The following SPATA6L variants were observed in gnomAD, a reference collection of about 807,000 sequenced individuals.
SPATA6L encodes the protein spermatogenesis associated 6-like protein.
In SPATA6L, 68 loss-of-function variants were observed where a neutral mutation model predicts 49.2. That is an observed-to-expected ratio of 1.38 (90% CI 1.14 to 1.69). The LOEUF (loss-of-function observed/expected upper bound fraction) is 1.69. Ranked by LOEUF, SPATA6L falls within the 40% of genes most tolerant of loss-of-function variation. The pLI, the probability that SPATA6L is intolerant of heterozygous loss-of-function variation, is 0.00. For missense variants in SPATA6L, 668 were observed against 464.3 expected, an observed-to-expected ratio of 1.44 and a Z score of -4.03; for synonymous variants, 198 against 165.7, an observed-to-expected ratio of 1.19 and a Z score of -1.50.
chr9:4,609,723 T>A (rs1454270304), intron 9 of SPATA6L, among the ~76,000 whole-genome samples: 4 of 151,380 alleles, frequency 2.6e-5, no homozygotes, highest in African/African-American at 9.8e-5. Flanking sequence ...GCATTCCCTT[T>A]GAAAACTGGC....
At chr9:4,603,032 G>A (rs994078960) in intron 11 of SPATA6L, among the ~76,000 whole-genome samples, 2 of 152,174 alleles carry the variant, frequency 1.3e-5, no homozygotes, top group Admixed American at 6.5e-5. Flanking sequence ...TATGAGAAAC[G>A]ATGATGTCCC....
At position 4,605,969 on chromosome 9, in the gene SPATA6L, C is replaced by G. The variant is rs574132754; in HGVS notation, c.996-529G>C. On this transcript the variant is annotated intron_variant, in intron 9 of 11. Transcript: ENST00000682582. ...GTGTGTGCGCGCACCGTGCGCGAGC[C>G]GAAGCAGGGCGAGGCATTGCCTCAC... Among the ~76,000 whole-genome samples the G allele has an allele frequency of 2.3e-3, 350 of 152,200 alleles. 2 individuals are homozygous for G. The East Asian group carries it at 0.024, about 10-fold the overall frequency.
At chr9:4,604,607 T>C (rs529807303) in intron 10 of SPATA6L, among the ~76,000 whole-genome samples, 1 of 152,154 alleles carries the variant, frequency 6.6e-6, no homozygotes, top group African/African-American at 2.4e-5. Context: ...GCAAAGCCAA[T>C]GACTTTGCAG....
chr9:4,662,649 A>C lies in SPATA6L; in HGVS notation c.40-613T>G. Reference sequence around the variant, plus strand: ...GCCTCCGCTGCCCGAGGAGGACCGCATGGACTTGAACCCGTCCTTCCTGGG... The same window carrying C: ...GCCTCCGCTGCCCGAGGAGGACCGCCTGGACTTGAACCCGTCCTTCCTGGG... On this transcript the variant is annotated intron_variant, in intron 1 of 11. Transcript: ENST00000682582. The surrounding 1 kb of genome is among the most constrained non-coding windows in gnomAD (Gnocchi z 4.9). The C allele has an allele frequency of 6.3e-7, 1 of 1,599,572 alleles. No homozygotes were observed. Among genetic ancestry groups the C allele is most frequent in the Non-Finnish European group, 8.5e-7 (1 of 1,179,750 alleles).
downstream of SPATA6L, among the ~76,000 whole-genome samples, chr9:4,594,279 A>G (rs1822092987): frequency 2.6e-5 from 4 of 152,104 alleles, no homozygotes; most frequent in Non-Finnish European, 5.9e-5. Flanking sequence ...GCGCGAACTC[A>G]GCTCACTGCA....
chr9:4,594,936 C>G (rs923785979), downstream of SPATA6L, among the ~76,000 whole-genome samples: 4 of 152,076 alleles, frequency 2.6e-5, no homozygotes, highest in African/African-American at 9.7e-5. Context: ...CACCTTGACC[C>G]CTAGTAATTC....
rs1839961873 is a variant in SPATA6L, at chr9:4,662,208, T to A, written c.40-172A>T. The A allele has an allele frequency of 7.0e-7, 1 of 1,435,920 alleles. No individual in the cohort carries two copies. The highest frequency in any genetic ancestry group is 1.4e-5 in the African/African-American group (1 of 69,592). The allele number at this position is 1,435,920 out of a possible 1,614,324, so 88.9% of individuals were successfully genotyped here. The stretch of plus-strand genomic sequence containing the variant: ...CATCCTCCCCTCTGCTCTCCTCACA[T>A]TGGAAATTCCAACTCCCTCCCACGT... On this transcript the variant is annotated intron_variant, in intron 1 of 11. Coordinates refer to ENST00000682582, the MANE Select transcript of SPATA6L (RefSeq NM_001353486.2). This position sits in a 1 kb window ranked among gnomAD's most constrained non-coding sequence, Gnocchi z 4.9.
At chr9:4,646,266 T>G in intron 3 of SPATA6L, 1 of 359,472 alleles carries the variant, frequency 2.8e-6, no homozygotes, top group Non-Finnish European at 4.9e-6. Flanking sequence ...TCTGTTTAAG[T>G]TATGCTCCCT....
chr9:4,661,902 T>C lies in SPATA6L; in HGVS notation c.174A>G (p.Glu58=). Residue 58 remains glutamate (E), a synonymous_variant, in exon 2 of 12, where the codon GAA becomes GAG. Transcript: ENST00000682582. ...PIMIQESMRF[E]KVFESAVDPG... is the part of the protein sequence containing the mutation. ...CCAATGAGAAAGTCAAGATCACCTTTTCAAATCTCATGCTCTCCTGAATCA... is the reference window on the plus strand; with the variant it reads ...CCAATGAGAAAGTCAAGATCACCTTCTCAAATCTCATGCTCTCCTGAATCA... The C allele has an allele frequency of 6.2e-7, 1 of 1,613,604 alleles. No individual in the cohort carries two copies. Among genetic ancestry groups the C allele is most frequent in the Non-Finnish European group, 8.5e-7 (1 of 1,179,654 alleles).
intron 3 of SPATA6L, among the ~76,000 whole-genome samples, chr9:4,637,697 G>GT (rs1833082465): frequency 6.6e-6 from 1 of 151,194 alleles, no homozygotes; most frequent in Non-Finnish European, 1.5e-5. Context: ...GAGTGGTGAA[G>GT]TGCAGCATCC....
intron 9 of SPATA6L, among the ~76,000 whole-genome samples, chr9:4,605,936 G>A (rs1026080867): frequency 1.6e-4 from 24 of 152,270 alleles, no homozygotes; most frequent in Non-Finnish European, 3.5e-4. Flanking sequence ...GACAGTGGGC[G>A]CAGGCCAGTG....
chr9:4,645,390 G>T (rs1244162947), intron 3 of SPATA6L, among the ~76,000 whole-genome samples: 2 of 152,160 alleles, frequency 1.3e-5, no homozygotes, highest in African/African-American at 2.4e-5. Context: ...ATTTCTTACA[G>T]TTATGGAGGC....
Position 4,662,198 on chromosome 9 carries a change from T to C in SPATA6L, c.40-162A>G, listed in dbSNP as rs910487538. On this transcript the variant is annotated intron_variant, in intron 1 of 11. Coordinates refer to ENST00000682582, the MANE Select transcript of SPATA6L (RefSeq NM_001353486.2). The surrounding 1 kb of genome is among the most constrained non-coding windows in gnomAD (Gnocchi z 4.9). ...CCAACGCCAACATCCTCCCCTCTGC[T>C]CTCCTCACATTGGAAATTCCAACTC... 63 of 1,438,750 alleles carry C rather than the reference T, an allele frequency of 4.4e-5. No individual in the cohort carries two copies. Among genetic ancestry groups the C allele is most frequent in the Non-Finnish European group, 5.3e-5 (58 of 1,100,856 alleles). The allele number at this position is 1,438,750 out of a possible 1,614,324, so 89.1% of individuals were successfully genotyped here. A position where few individuals can be genotyped will look rare whatever the true frequency, so the allele number is the denominator to read the frequency against.
chr9:4,655,120 T>C (rs1015709687), intron 3 of SPATA6L, among the ~76,000 whole-genome samples: 4 of 152,240 alleles, frequency 2.6e-5, no homozygotes, highest in Admixed American at 1.3e-4. Context: ...TTATTCATCA[T>C]AGCCTAAAAG....
At chr9:4,607,411 T>A (rs971363261) in intron 9 of SPATA6L, among the ~76,000 whole-genome samples, 22 of 152,048 alleles carry the variant, frequency 1.4e-4, no homozygotes, top group South Asian at 4.2e-4. Flanking sequence ...CGGGTTACCC[T>A]CAAAGGGAAG....
intron 9 of SPATA6L, among the ~76,000 whole-genome samples, chr9:4,608,860 G>T (rs927806539): frequency 5.9e-5 from 9 of 152,016 alleles, no homozygotes; most frequent in African/African-American, 2.2e-4. Context: ...TCCAGGATCT[G>T]GTTTTTTGAA....
intron 6 of SPATA6L, among the ~76,000 whole-genome samples, chr9:4,624,998 T>C (rs543426521): frequency 1.3e-5 from 2 of 152,312 alleles, no homozygotes; most frequent in East Asian, 3.9e-4. Context: ...ACCTTCATTA[T>C]GCATTTGCAA....
intron 9 of SPATA6L, among the ~76,000 whole-genome samples, chr9:4,605,979 C>T (rs749205954): frequency 2.6e-5 from 4 of 152,116 alleles, no homozygotes; most frequent in Non-Finnish European, 4.4e-5. Context: ...CGAAGCAGGG[C>T]GAGGCATTGC....
chr9:4,659,730 A>G lies in SPATA6L; in HGVS notation c.177+2169T>C, dbSNP rs138713411. ...GAGCCCGCATTGCCAAGACAATCCT[A>G]AGCCAAAAGAACAAGGCTGGAAGCA... On this transcript the variant is annotated intron_variant, in intron 2 of 11. Transcript: ENST00000682582. 1.8e-4 allele frequency among the ~76,000 whole-genome samples: 28 copies of G among 152,350 alleles called. 1 individual carries two copies. In the East Asian group the frequency reaches 4.1e-3, roughly 22 times the overall value.
Sources: allele counts gnomAD v4.1 joint callset (sites outside exome capture counted in the v4.1 genomes callset), GRCh38; gene constraint gnomAD v4.1.1; non-coding constraint Gnocchi (gnomAD v3.1); transcripts MANE v1.5; gene names NCBI Gene and HGNC (gene_info 2026-07-23, HGNC 2026-07-21).